FHIT: variants seen among roughly 807,000 people sequenced by gnomAD.
The protein encoded by FHIT is bis(5'-adenosyl)-triphosphatase.
A neutral mutation model predicts 17.9 loss-of-function variants in FHIT; 19 were observed. The observed-to-expected ratio is 1.06, with a 90% CI of 0.74 to 1.56. The LOEUF is 1.56. Among genes scored for constraint, FHIT ranks in the 40% most tolerant of loss-of-function variants. The pLI is 0.00. For synonymous variants in FHIT, 81 were observed against 69.7 expected, an observed-to-expected ratio of 1.16 and a Z score of -0.81; for missense variants, 248 against 189.2, an observed-to-expected ratio of 1.31 and a Z score of -1.82.
chr3:61,091,780 T>G (rs956241365), intron 2 of FHIT, among the ~76,000 whole-genome samples: 4 of 151,320 alleles, frequency 2.6e-5, no homozygotes, highest in African/African-American at 9.7e-5. Flanking sequence ...AAACCCAGTC[T>G]CTACAAAAAT....
At chr3:60,377,016 T>C (rs535309002) in intron 5 of FHIT, among the ~76,000 whole-genome samples, 5 of 152,322 alleles carry the variant, frequency 3.3e-5, no homozygotes, top group African/African-American at 1.2e-4. Flanking sequence ...TATCCTTTCT[T>C]ACTTTACTAA....
chr3:60,628,481 A>G (rs2039353265), intron 4 of FHIT, among the ~76,000 whole-genome samples: 1 of 152,208 alleles, frequency 6.6e-6, no homozygotes, highest in African/African-American at 2.4e-5. Context: ...GTTATGCTTC[A>G]CTAATTACTG....
At chr3:60,116,039 A>G (rs1418732574) in intron 5 of FHIT, among the ~76,000 whole-genome samples, 1 of 152,210 alleles carries the variant, frequency 6.6e-6, no homozygotes, top group Admixed American at 6.5e-5. Context: ...AGTGTATTAG[A>G]AAACATCCAA....
chr3:60,126,265 C>T (rs1256707862), intron 5 of FHIT, among the ~76,000 whole-genome samples: 2 of 152,178 alleles, frequency 1.3e-5, no homozygotes, highest in Non-Finnish European at 2.9e-5. Flanking sequence ...TGCTTACCAT[C>T]CCCAGGTTCC....
intron 5 of FHIT, among the ~76,000 whole-genome samples, chr3:60,465,739 A>G (rs188024369): frequency 2.7e-4 from 41 of 152,112 alleles, no homozygotes; most frequent in Admixed American, 8.5e-4. Flanking sequence ...ATAGTGTTCC[A>G]TTGGTCTATG....
chr3:61,056,123 T>C (rs1231253164), intron 2 of FHIT, among the ~76,000 whole-genome samples: 1 of 152,204 alleles, frequency 6.6e-6, no homozygotes, highest in Non-Finnish European at 1.5e-5. Flanking sequence ...GGACAGTTTT[T>C]AAAATGAGTC....
chr3:60,764,379 T>C (rs1699776333), intron 4 of FHIT, among the ~76,000 whole-genome samples: 1 of 152,180 alleles, frequency 6.6e-6, no homozygotes, highest in South Asian at 2.1e-4. Flanking sequence ...AGGATCAATT[T>C]CATCATGAAA....
At chr3:60,586,184 A>G (rs1475335303) in intron 4 of FHIT, among the ~76,000 whole-genome samples, 1 of 151,932 alleles carries the variant, frequency 6.6e-6, no homozygotes, top group East Asian at 1.9e-4. Context: ...GAGCAATAGA[A>G]ACTGCTGAGT....
chr3:61,196,690 A>T (rs944490646), intron 2 of FHIT, among the ~76,000 whole-genome samples: 1 of 152,162 alleles, frequency 6.6e-6, no homozygotes, highest in African/African-American at 2.4e-5. Flanking sequence ...AGTGTGCTGG[A>T]CTTAGCAAAA....
chr3:60,301,190 G>A (rs1407640230), intron 5 of FHIT, among the ~76,000 whole-genome samples: 1 of 152,022 alleles, frequency 6.6e-6, no homozygotes, highest in Non-Finnish European at 1.5e-5. Flanking sequence ...TACCTTTATA[G>A]TCAACAAGTA....
At chr3:60,459,536 G>A (rs554532175) in intron 5 of FHIT, among the ~76,000 whole-genome samples, 6 of 152,190 alleles carry the variant, frequency 3.9e-5, no homozygotes, top group African/African-American at 1.2e-4. Context: ...TAGGTACAAC[G>A]CGCTTAGCAG....
chr3:60,147,412 C>G (rs1373944953), intron 5 of FHIT, among the ~76,000 whole-genome samples: 2 of 152,148 alleles, frequency 1.3e-5, no homozygotes, highest in Non-Finnish European at 2.9e-5. Context: ...CCGATACATC[C>G]TGCCCTCAAA....
intron 7 of FHIT, among the ~76,000 whole-genome samples, chr3:59,997,459 G>C (rs1038988438): frequency 9.2e-5 from 14 of 152,134 alleles, no homozygotes; most frequent in Non-Finnish European, 1.8e-4. Context: ...TTCAACAATG[G>C]AATAAGACAG....
At position 60,088,240 on chromosome 3, in the gene FHIT, C is replaced by T. The variant is rs775821711; in HGVS notation, c.104-74088G>A. ...TCATGACGGATCTGCCTTCATGATC[C>T]GAACACCTCCCACCAGGCCCCACCT... On this transcript the variant is annotated intron_variant, in intron 5 of 9. Coordinates refer to ENST00000492590, the MANE Select transcript of FHIT (RefSeq NM_002012.4). Among the ~76,000 whole-genome samples, 4 of 152,144 alleles carry T rather than the reference C, an allele frequency of 2.6e-5. 1 individual carries two copies. Among genetic ancestry groups the T allele is most frequent in the African/African-American group, 7.2e-5 (3 of 41,436 alleles).
At chr3:60,421,967 GT>G (rs1385675571) in intron 5 of FHIT, among the ~76,000 whole-genome samples, 4 of 152,126 alleles carry the variant, frequency 2.6e-5, no homozygotes, top group Non-Finnish European at 4.4e-5. Context: ...AGAGGCAAAG[GT>G]AAAAGATTAG....
At chr3:59,785,895 G>A (rs1699261845) in intron 8 of FHIT, among the ~76,000 whole-genome samples, 2 of 152,062 alleles carry the variant, frequency 1.3e-5, no homozygotes, top group South Asian at 2.1e-4. Flanking sequence ...ATGTCACCCC[G>A]CCAAAATTTG....
chr3:60,566,209 G>A (rs1036487627), intron 4 of FHIT, among the ~76,000 whole-genome samples: 3 of 152,022 alleles, frequency 2.0e-5, no homozygotes, highest in Non-Finnish European at 2.9e-5. Context: ...AGTGCGGTGC[G>A]GTGCTGAGAA....
Position 61,188,121 on chromosome 3 carries a change from C to A in FHIT, c.-164+12496G>T, listed in dbSNP as rs530109347. Among the ~76,000 whole-genome samples the A allele has an allele frequency of 1.1e-4, 16 of 152,026 alleles. No homozygotes were observed. The South Asian group carries it at 2.7e-3, about 26-fold the overall frequency. ...GGAAATAGAGACACAAAAAACCCTT[C>A]GAAAAATTAATGAATCCAGGAGCTG... On this transcript the variant is annotated intron_variant, in intron 2 of 9. Transcript: ENST00000492590.
At chr3:60,559,285 A>G (rs2036849506) in intron 4 of FHIT, among the ~76,000 whole-genome samples, 1 of 152,238 alleles carries the variant, frequency 6.6e-6, no homozygotes, top group Admixed American at 6.5e-5. Context: ...GCATTTCTAT[A>G]AAATTCAGCA....
Sources: gnomAD v4.1 joint callset for allele counts (sites outside exome capture counted in the v4.1 genomes callset) on GRCh38, gnomAD v4.1.1 for gene constraint, MANE v1.5 for transcripts, NCBI Gene and HGNC (gene_info 2026-07-23, HGNC 2026-07-21) for gene names.